STAU1: variants seen among roughly 807,000 people sequenced by gnomAD.
The protein encoded by STAU1 is double-stranded RNA-binding protein Staufen homolog 1.
In STAU1, 13 loss-of-function variants were observed where a neutral mutation model predicts 62.9. The ratio of observed to expected loss-of-function variants is 0.21; its 90% CI spans 0.13 to 0.33. The LOEUF is 0.33. Ranked by LOEUF, STAU1 falls within the 10% of genes least tolerant of loss-of-function variation. The pLI, the probability that STAU1 is intolerant of heterozygous loss-of-function variation, is 1.00. For synonymous variants in STAU1, 269 were observed against 265.1 expected (o/e 1.01, Z -0.14); for missense variants, 571 against 712.1 (o/e 0.80, Z 2.25).
At chr20:49,202,074 G>T in the STAU1 span, among the ~76,000 whole-genome samples, 28 of 148,234 alleles carry the variant, frequency 1.9e-4, no homozygotes, top group Middle Eastern at 3.4e-3. Context: ...CAAAAAATTA[G>T]CTGGGCATGG....
rs8183722 is a variant in STAU1 at position 49,129,123 on chromosome 20, A to G, written c.610-4536T>C. ...AAAACTCAATAATAAAAAGACACTC[A>G]AAAAAACTGGCAAGATATAAACCTA... On this transcript the variant is annotated intron_variant, in intron 6 of 13. Coordinates refer to ENST00000371856, the MANE Select transcript of STAU1 (RefSeq NM_017453.4). Among the ~76,000 whole-genome samples the G allele has an allele frequency of 2.0e-4, 31 of 152,044 alleles. No individual in the cohort carries two copies. The East Asian group carries it at 5.8e-3, about 28-fold the overall frequency.
intron 2 of STAU1, among the ~76,000 whole-genome samples, chr20:49,173,477 T>C (rs922854281): frequency 1.3e-5 from 2 of 152,206 alleles, no homozygotes; most frequent in East Asian, 1.9e-4. Flanking sequence ...AAAAGCATTA[T>C]ACAAATCCAG....
intron 4 of STAU1, among the ~76,000 whole-genome samples, chr20:49,152,429 C>T (rs748148774): frequency 1.3e-5 from 2 of 150,384 alleles, no homozygotes; most frequent in African/African-American, 2.5e-5. Flanking sequence ...CTGCAACCTC[C>T]GCTTCCTGGG....
At chr20:49,141,270 C>T (rs1024147612) in intron 5 of STAU1, among the ~76,000 whole-genome samples, 5 of 151,982 alleles carry the variant, frequency 3.3e-5, no homozygotes, top group Non-Finnish European at 7.4e-5. Context: ...GTACTACTGA[C>T]GTCGGACTGT....
intron 8 of STAU1, 103 bp downstream of exon 8, chr20:49,122,989 G>C: frequency 7.9e-7 from 1 of 1,265,830 alleles, no homozygotes; most frequent in Non-Finnish European, 1.0e-6. Flanking sequence ...ATGGCCCACA[G>C]GATCCAGCCT....
At chr20:49,192,290 G>T (rs1478748852), upstream of STAU1, among the ~76,000 whole-genome samples, 1 of 148,926 alleles carries the variant, frequency 6.7e-6, no homozygotes, top group Non-Finnish European at 1.5e-5. Context: ...AGCTTGCAGT[G>T]AGCTGAGATC....
chr20:49,209,262 A>G, the STAU1 span, among the ~76,000 whole-genome samples: 1 of 151,768 alleles, frequency 6.6e-6, no homozygotes, highest in East Asian at 1.9e-4. Flanking sequence ...AGAAAAAAAA[A>G]AAAAAGCCAT....
intron 6 of STAU1, among the ~76,000 whole-genome samples, chr20:49,126,866 T>C (rs1372718299): frequency 1.3e-5 from 2 of 148,544 alleles, no homozygotes; most frequent in Non-Finnish European, 3.0e-5. Context: ...TGGAGCGGGG[T>C]GGGGGGAAGA....
chr20:49,185,044 A>G (rs1296677835), intron 1 of STAU1, among the ~76,000 whole-genome samples: 1 of 152,226 alleles, frequency 6.6e-6, no homozygotes, highest in African/African-American at 2.4e-5. Flanking sequence ...CTGTGATTTC[A>G]TACTATTCAC....
At chr20:49,152,145 C>T (rs1176312345) in intron 4 of STAU1, among the ~76,000 whole-genome samples, 1 of 152,150 alleles carries the variant, frequency 6.6e-6, no homozygotes, top group Non-Finnish European at 1.5e-5. Context: ...ATGCACAAGT[C>T]TTTCAAAAGG....
the STAU1 span, among the ~76,000 whole-genome samples, chr20:49,208,343 C>T: frequency 6.6e-6 from 1 of 152,038 alleles, no homozygotes; most frequent in Non-Finnish European, 1.5e-5. Flanking sequence ...CAGGTGTGAG[C>T]CACCGCACGT....
At chr20:49,208,356 C>A in the STAU1 span, among the ~76,000 whole-genome samples, 7 of 152,026 alleles carry the variant, frequency 4.6e-5, no homozygotes, top group Non-Finnish European at 1.0e-4. Flanking sequence ...CCGCACGTGG[C>A]CTATATATAT....
the STAU1 span, among the ~76,000 whole-genome samples, chr20:49,215,617 T>C: frequency 6.6e-6 from 1 of 152,280 alleles, no homozygotes; most frequent in South Asian, 2.1e-4. Context: ...AATAAACTCA[T>C]CTTCAGTTGG....
chr20:49,160,372 C>T (rs2093429969), intron 3 of STAU1, among the ~76,000 whole-genome samples: 1 of 152,182 alleles, frequency 6.6e-6, no homozygotes, highest in Non-Finnish European at 1.5e-5. Context: ...AGATAAATAA[C>T]TCATCCTTAA....
chr20:49,113,835 A>C lies in STAU1; in HGVS notation c.*1043T>G, dbSNP rs1423722712. 5 of 152,670 alleles carry C rather than the reference A, an allele frequency of 3.3e-5. No homozygotes were observed. The highest frequency in any genetic ancestry group is 1.5e-5 in the Non-Finnish European group (1 of 68,040). The allele number at this position is 152,670 out of a possible 1,614,324, so 9.5% of individuals were successfully genotyped here. On this transcript the variant is annotated 3_prime_UTR_variant, in exon 14 of 14. Transcript: ENST00000371856. The stretch of plus-strand genomic sequence containing the variant: ...GGACTACATGGAGATCATATCCTGT[A>C]GTGTAGTGAAAGCTAAGTCCTCAAG...
chr20:49,167,612 A>G (rs959822566), intron 2 of STAU1, among the ~76,000 whole-genome samples: 3 of 152,238 alleles, frequency 2.0e-5, no homozygotes, highest in African/African-American at 7.2e-5. Flanking sequence ...TTGAAGATCT[A>G]CATAATGGTC....
the STAU1 span, among the ~76,000 whole-genome samples, chr20:49,200,911 C>T: frequency 6.6e-5 from 10 of 151,030 alleles, no homozygotes; most frequent in South Asian, 4.2e-4. Flanking sequence ...TGGTGGTGCA[C>T]GCCTGTAGTC....
intron 6 of STAU1, among the ~76,000 whole-genome samples, chr20:49,127,924 C>T (rs555798531): frequency 1.3e-4 from 19 of 151,496 alleles, no homozygotes; most frequent in Admixed American, 9.8e-4. Context: ...CCGAGGCAGG[C>T]GGATCACCTG....
the STAU1 span, among the ~76,000 whole-genome samples, chr20:49,200,572 G>C: frequency 6.6e-6 from 1 of 151,738 alleles, no homozygotes; most frequent in Admixed American, 6.6e-5. Context: ...CTGCACTCCA[G>C]CCTGGGCGAC....
Sources: allele counts gnomAD v4.1 joint callset (sites outside exome capture counted in the v4.1 genomes callset), GRCh38; gene constraint gnomAD v4.1.1; transcripts MANE v1.5; gene names NCBI Gene and HGNC (gene_info 2026-07-23, HGNC 2026-07-21).